The following SGCZ variants were observed in gnomAD, a reference collection of about 807,000 sequenced individuals.
SGCZ encodes the protein sarcoglycan zeta.
In SGCZ, 40 loss-of-function variants were observed where a neutral mutation model predicts 41.3. That is an observed-to-expected ratio of 0.97 (90% CI 0.75 to 1.26). The LOEUF is 1.26. SGCZ is among the 50% of genes most tolerant of loss of function. The probability of loss-of-function intolerance (pLI) is 0.00; values close to 1 mark genes in which losing one functional copy is unlikely to be tolerated. For synonymous variants in SGCZ, 206 were observed against 137.5 expected, an observed-to-expected ratio of 1.50 and a Z score of -3.49; for missense variants, 552 against 369.8, an observed-to-expected ratio of 1.49 and a Z score of -4.04.
chr8:15,222,431 T>C (rs1036462244), intron 1 of SGCZ, among the ~76,000 whole-genome samples: 4 of 151,596 alleles, frequency 2.6e-5, no homozygotes, highest in Non-Finnish European at 4.4e-5. Context: ...TCATGGAAAA[T>C]ATTCCTGCCT....
chr8:14,931,205 G>A (rs923572904), intron 1 of SGCZ, among the ~76,000 whole-genome samples: 11 of 151,846 alleles, frequency 7.2e-5, no homozygotes, highest in African/African-American at 2.7e-4. Flanking sequence ...TACATAATCT[G>A]CACTTACCAT....
intron 5 of SGCZ, among the ~76,000 whole-genome samples, chr8:14,134,296 T>G (rs1370446345): frequency 1.3e-5 from 2 of 152,172 alleles, no homozygotes; most frequent in African/African-American, 4.8e-5. Context: ...TCAAATAATT[T>G]TTGTCCTCCA....
chr8:14,976,372 T>C (rs2130872586), intron 1 of SGCZ, among the ~76,000 whole-genome samples: 1 of 152,286 alleles, frequency 6.6e-6, no homozygotes, highest in East Asian at 1.9e-4. Flanking sequence ...TGTGACACTT[T>C]TTAGAAACTG....
chr8:14,707,963 C>T (rs1809385374), intron 1 of SGCZ, among the ~76,000 whole-genome samples: 1 of 151,884 alleles, frequency 6.6e-6, no homozygotes, highest in South Asian at 2.1e-4. Flanking sequence ...AATATATGTA[C>T]TATAATTAAC....
intron 1 of SGCZ, among the ~76,000 whole-genome samples, chr8:15,059,922 G>A (rs918771765): frequency 2.0e-5 from 3 of 152,172 alleles, no homozygotes; most frequent in African/African-American, 7.2e-5. Flanking sequence ...CAATGGGTGT[G>A]GAGAGAGGCA....
intron 4 of SGCZ, among the ~76,000 whole-genome samples, chr8:14,189,023 T>A (rs1180122443): frequency 6.6e-6 from 1 of 150,866 alleles, no homozygotes; most frequent in Non-Finnish European, 1.5e-5. Context: ...GCCCAGCTTT[T>A]TTTTTTTGTA....
chr8:14,535,567 C>G (rs1803269446), intron 2 of SGCZ, among the ~76,000 whole-genome samples: 1 of 151,882 alleles, frequency 6.6e-6, no homozygotes. Context: ...GGAAACAAAT[C>G]CTATTATCAT....
At chr8:14,423,232 C>T (rs1799683935) in intron 2 of SGCZ, among the ~76,000 whole-genome samples, 2 of 151,526 alleles carry the variant, frequency 1.3e-5, no homozygotes, top group South Asian at 4.2e-4. Context: ...TTAATGGGTG[C>T]AGCACACCAG....
intron 5 of SGCZ, among the ~76,000 whole-genome samples, chr8:14,153,014 G>T (rs983612126): frequency 6.6e-6 from 1 of 152,078 alleles, no homozygotes; most frequent in African/African-American, 2.4e-5. Flanking sequence ...ATTGTCGGGG[G>T]TTAACGTGAG....
chr8:14,210,553 C>G (rs1051234953), intron 4 of SGCZ, among the ~76,000 whole-genome samples: 18 of 151,580 alleles, frequency 1.2e-4, no homozygotes, highest in Non-Finnish European at 2.5e-4. Context: ...ACCCCTGTCT[C>G]CCAGGTTCAA....
In SGCZ at chr8:14,381,403, A is replaced by G. The variant is rs112168785; in HGVS notation, c.235-57199T>C. ...ATAATGGGGTGTCATAAAAGATGAT[A>G]ATCCATATTTTACCACTTCCTGCCC... On this transcript the variant is annotated intron_variant, in intron 2 of 7. Transcript: ENST00000382080. Among the ~76,000 whole-genome samples, 22 of 152,224 alleles carry G rather than the reference A, an allele frequency of 1.4e-4. 1 individual carries two copies. The highest frequency in any genetic ancestry group is 5.3e-4 in the African/African-American group (22 of 41,540).
intron 1 of SGCZ, among the ~76,000 whole-genome samples, chr8:14,740,530 G>A (rs1563238203): frequency 6.6e-6 from 1 of 151,992 alleles, no homozygotes; most frequent in Admixed American, 6.6e-5. Context: ...AACGTACTAT[G>A]AATGTCCACT....
chr8:14,149,706 T>C (rs1276808159), intron 5 of SGCZ, among the ~76,000 whole-genome samples: 1 of 142,766 alleles, frequency 7.0e-6, no homozygotes, highest in Non-Finnish European at 1.5e-5. Context: ...CACAAGAAAA[T>C]CCAGGATAGC....
intron 1 of SGCZ, among the ~76,000 whole-genome samples, chr8:15,200,964 A>C (rs1800870795): frequency 6.6e-6 from 1 of 152,164 alleles, no homozygotes; most frequent in Admixed American, 6.5e-5. Flanking sequence ...TATTTTCAGT[A>C]AAAATAACAA....
intron 1 of SGCZ, among the ~76,000 whole-genome samples, chr8:15,213,714 A>G (rs768129854): frequency 1.3e-5 from 2 of 151,864 alleles, no homozygotes; most frequent in Non-Finnish European, 2.9e-5. Context: ...AAGTGAAAAG[A>G]TATTTAACAT....
chr8:14,272,002 C>A (rs564532025), intron 3 of SGCZ, among the ~76,000 whole-genome samples: 3 of 151,918 alleles, frequency 2.0e-5, no homozygotes, highest in Non-Finnish European at 4.4e-5. Flanking sequence ...CTTACCAATG[C>A]CCTAAGTAAT....
At chr8:14,675,302 A>G (rs1013730649) in intron 1 of SGCZ, among the ~76,000 whole-genome samples, 4 of 151,818 alleles carry the variant, frequency 2.6e-5, no homozygotes, top group African/African-American at 9.7e-5. Flanking sequence ...CAAGAACAGA[A>G]CAATACAGTA....
chr8:14,146,878 TA>T lies in SGCZ; in HGVS notation c.547+17701del, dbSNP rs1554467186. 5.1e-5 allele frequency among the ~76,000 whole-genome samples: 7 copies of T among 136,278 alleles called. 1 individual carries two copies. The highest frequency in any genetic ancestry group is 7.7e-5 in the Non-Finnish European group (5 of 65,030). The allele number at this position is 136,278 out of a possible 152,430, so 89.4% of individuals were successfully genotyped here. A position where few individuals can be genotyped will look rare whatever the true frequency, so the allele number is the denominator to read the frequency against. On this transcript the variant is annotated intron_variant, in intron 5 of 7. Transcript: ENST00000382080. The stretch of plus-strand genomic sequence containing the variant: ...CAGAGCGAGACTCCGTCTCAAAAAA[TA>T]AAAATAAAAAAAATAATAATAATAA...
chr8:14,195,347 G>A (rs73664166), intron 4 of SGCZ, among the ~76,000 whole-genome samples: 3,695 of 152,002 alleles, frequency 0.024, 158 homozygotes, highest in African/African-American at 0.084. Flanking sequence ...AAATATAAGT[G>A]AACTCAGTCC....
Sources: gnomAD v4.1 joint callset for allele counts (sites outside exome capture counted in the v4.1 genomes callset) on GRCh38, gnomAD v4.1.1 for gene constraint, MANE v1.5 for transcripts, NCBI Gene and HGNC (gene_info 2026-07-23, HGNC 2026-07-21) for gene names.